Variants in IRF5 observed in about 807,000 individuals in gnomAD.
The protein encoded by IRF5 is interferon regulatory factor 5.
IRF5 carries 24 observed loss-of-function variants against 55.1 expected under a neutral mutation model. The observed-to-expected ratio is 0.44, with a 90% CI of 0.32 to 0.61. IRF5 has a LOEUF of 0.61. Ranked by LOEUF, IRF5 falls within the 20% of genes least tolerant of loss-of-function variation. IRF5 has a pLI of 0.07. For missense variants in IRF5, 499 were observed against 658.5 expected, an observed-to-expected ratio of 0.76 and a Z score of 2.65; for synonymous variants, 258 against 260.2, an observed-to-expected ratio of 0.99 and a Z score of 0.08.
intron 2 of IRF5, 21 bp from the exon 3 acceptor site, chr7:128,945,824 G>T: frequency 6.3e-7 from 1 of 1,595,604 alleles, no homozygotes. Flanking sequence ...CTCTGTGGTC[G>T]GCTATTTCTT....
Position 128,949,044 on chromosome 7 carries a change from A to C in IRF5, c.*226A>C. 1 of 570,582 alleles carries C rather than the reference A, an allele frequency of 1.8e-6. No homozygotes were observed. Among genetic ancestry groups the C allele is most frequent in the Non-Finnish European group, 3.1e-6 (1 of 322,918 alleles). The allele number at this position is 570,582 out of a possible 1,614,324, so 35.3% of individuals were successfully genotyped here. A position where few individuals can be genotyped will look rare whatever the true frequency, so the allele number is the denominator to read the frequency against. On this transcript the variant is annotated 3_prime_UTR_variant, in exon 9 of 9. Transcript: ENST00000357234. ...GTCTGGTCAGCCTGGCTCTCGGGAA[A>C]TTCAGCCATGAGCAGGGAAAGAACT... is the stretch of plus-strand genomic sequence containing the variant.
At chr7:128,944,312 T>C (rs1796192464) in intron 2 of IRF5, among the ~76,000 whole-genome samples, 1 of 152,224 alleles carries the variant, frequency 6.6e-6, no homozygotes, top group South Asian at 2.1e-4. Flanking sequence ...TCATGTAGGC[T>C]GTCTTAATGC....
intron 2 of IRF5, among the ~76,000 whole-genome samples, chr7:128,943,410 G>A (rs1585297451): frequency 7.6e-6 from 1 of 132,300 alleles, no homozygotes; most frequent in South Asian, 2.3e-4. Context: ...TTGTTGCTCT[G>A]TTGCCTAGTG....
At chr7:128,939,410 C>T (rs1038534750) in intron 1 of IRF5, among the ~76,000 whole-genome samples, 1 of 152,106 alleles carries the variant, frequency 6.6e-6, no homozygotes, top group Admixed American at 6.5e-5. Context: ...AGAGCCTCAG[C>T]CTGTCTGGAC....
In IRF5 at chr7:128,949,882, C is replaced by T. The variant is rs2128968039; in HGVS notation, c.*1064C>T. On this transcript the variant is annotated 3_prime_UTR_variant, in exon 9 of 9. Coordinates refer to ENST00000357234, the MANE Select transcript of IRF5 (RefSeq NM_001098629.3). The stretch of plus-strand genomic sequence containing the variant: ...TTAAAGAGCCTGGCACCTACCCGCT[C>T]TCACTTCATCTGTGTCATCTCTGCA... The T allele has an allele frequency of 6.6e-6, 1 of 152,278 alleles. No individual in the cohort carries two copies. Among genetic ancestry groups the T allele is most frequent in the East Asian group, 1.9e-4 (1 of 5,184 alleles). The allele number at this position is 152,278 out of a possible 1,614,324, so 9.4% of individuals were successfully genotyped here.
Position 128,947,936 on chromosome 7 carries a change from A to G in IRF5, c.995A>G (p.Gln332Arg). 6.2e-7 allele frequency: 1 copy of G among 1,614,108 alleles called. No individual in the cohort carries two copies. The highest frequency in any genetic ancestry group is 1.1e-5 in the South Asian group (1 of 91,078). ...GACAAGCAGCGCTTCTACACGAACC[A>G]GCTGCTGGATGTCCTGGACCGCGGG... is the stretch of plus-strand genomic sequence containing the variant. ...PSDKQRFYTN[Q>R]LLDVLDRGLI... The change falls in exon 7 of 9, where the codon CAG becomes CGG. Residue 332 changes from glutamine (Q) to arginine (R), a missense_variant. Gln to Arg is a conservative substitution (Grantham distance 43). Transcript: ENST00000357234. This position sits in a 1 kb window ranked among gnomAD's most constrained non-coding sequence, Gnocchi z 6.5.
In IRF5 at chr7:128,948,501, T is replaced by G. The variant is rs1400994236; in HGVS notation, c.1300-72T>G. 3.8e-6 allele frequency: 6 copies of G among 1,588,670 alleles called. No individual in the cohort carries two copies. Among genetic ancestry groups the G allele is most frequent in the Non-Finnish European group, 5.1e-6 (6 of 1,167,984 alleles). On this transcript the variant is annotated intron_variant, in intron 8 of 8. Coordinates refer to ENST00000357234, the MANE Select transcript of IRF5 (RefSeq NM_001098629.3). This position sits in a 1 kb window ranked among gnomAD's most constrained non-coding sequence, Gnocchi z 4.6. ...CGGTCTATTACTCACCCCTGATGGC[T>G]GTCCTCATGCACAGCTGGATCTGGC...
intron 1 of IRF5, 144 bp downstream of exon 1, chr7:128,938,193 A>C (rs1018751531): frequency 6.6e-6 from 1 of 152,204 alleles, no homozygotes; most frequent in Non-Finnish European, 1.5e-5. Flanking sequence ...GGCGGGATGA[A>C]GACTGGAGTA....
At chr7:128,945,204 C>T (rs144453360) in intron 2 of IRF5, among the ~76,000 whole-genome samples, 372 of 152,248 alleles carry the variant, frequency 2.4e-3, no homozygotes, top group African/African-American at 8.5e-3. Context: ...CCTTGAACTC[C>T]CCAGCTCAAG....
intron 2 of IRF5, among the ~76,000 whole-genome samples, chr7:128,943,707 ATTTTTTTTTTT>A (rs61451031): frequency 7.1e-4 from 51 of 71,926 alleles, no homozygotes; most frequent in African/African-American, 3.0e-3. Context: ...TGCCCGGCTA[ATTTTTTTTTTT>A]TTTTTTTTTT....
Position 128,946,023 on chromosome 7 carries a change from C to A in IRF5, c.374C>A (p.Pro125His). 6.2e-7 allele frequency: 1 copy of A among 1,603,354 alleles called. No individual in the cohort carries two copies. The highest frequency in any genetic ancestry group is 8.5e-7 in the Non-Finnish European group (1 of 1,176,466). The stretch of plus-strand genomic sequence containing the variant: ...ATCTACGAGGTCTGCTCCAATGGCC[C>A]TGCTCCCACAGGTATCAGGCCTAGC... ...YKIYEVCSNG[P>H]APTDSQPPED... The change falls in exon 3 of 9, where the codon CCT (proline) becomes CAT (histidine). Residue 125 changes from proline to histidine, a missense_variant. Physicochemically the swap from Pro to His is moderately conservative, Grantham distance 77. This residue lies in a region of IRF5 where 305 missense variants were observed against 340.2 expected (regional missense o/e 0.90). Transcript: ENST00000357234. The surrounding 1 kb of genome is among the most constrained non-coding windows in gnomAD (Gnocchi z 4.2).
chr7:128,946,182 C>T lies in IRF5; in HGVS notation c.385+148C>T. ...TGCGGGGGCTCCCGCTAGGTCATGACACCCAGGGCTTCCAGGAGTGGCTGG... is the reference window on the plus strand; with the variant it reads ...TGCGGGGGCTCCCGCTAGGTCATGATACCCAGGGCTTCCAGGAGTGGCTGG... On this transcript the variant is annotated intron_variant, in intron 3 of 8. Coordinates refer to ENST00000357234, the MANE Select transcript of IRF5 (RefSeq NM_001098629.3). This position sits in a 1 kb window ranked among gnomAD's most constrained non-coding sequence, Gnocchi z 4.2. 2 of 791,804 alleles carry T rather than the reference C, an allele frequency of 2.5e-6. No homozygotes were observed. The highest frequency in any genetic ancestry group is 1.9e-6 in the Non-Finnish European group (1 of 515,622). The allele number at this position is 791,804 out of a possible 1,614,324, so 49.0% of individuals were successfully genotyped here.
intron 2 of IRF5, among the ~76,000 whole-genome samples, chr7:128,945,343 C>A (rs1283020840): frequency 1.3e-5 from 2 of 152,168 alleles, no homozygotes; most frequent in African/African-American, 4.8e-5. Context: ...TGGGCTCAAG[C>A]AGTCCTCCCA....
intron 1 of IRF5, among the ~76,000 whole-genome samples, chr7:128,941,582 G>A (rs1009081978): frequency 1.3e-5 from 2 of 152,198 alleles, no homozygotes; most frequent in African/African-American, 2.4e-5. Context: ...GGGCAGGGAA[G>A]AATCGAACTA....
Position 128,942,224 on chromosome 7 carries a change from G to A in IRF5, c.143G>A (p.Arg48Lys). The change falls in exon 2 of 9, where the codon AGG becomes AAG. Residue 48 changes from arginine to lysine, a missense_variant. Arg to Lys is a conservative substitution (Grantham distance 26). Transcript: ENST00000357234. Reference protein sequence around the residue: ...GEKKLFCIPWRHATRHGPSQD... With the variant: ...GEKKLFCIPWKHATRHGPSQD... ...AAGAAATTATTCTGCATCCCCTGGA[G>A]GCATGCCACAAGGCATGGTCCCAGC... is the stretch of plus-strand genomic sequence containing the variant. 5.0e-6 allele frequency: 8 copies of A among 1,614,060 alleles called. No individual in the cohort carries two copies. The highest frequency in any genetic ancestry group is 1.1e-5 in the South Asian group (1 of 91,086).
rs1279366922 is a variant in IRF5, at chr7:128,947,488, G to A, written c.740G>A (p.Gly247Asp). Reference sequence around the variant, plus strand: ...CTGCCTGCCAGCCTGCCCCCTGCAGGCGAACAGCTCCTGCCAGACCTGCTG... The same window carrying A: ...CTGCCTGCCAGCCTGCCCCCTGCAGACGAACAGCTCCTGCCAGACCTGCTG... ...GPLPASLPPAGEQLLPDLLIS... is the reference protein window; with the variant it reads ...GPLPASLPPADEQLLPDLLIS... Residue 247 changes from glycine (G) to aspartate (D), a missense_variant, in exon 6 of 9, where the codon GGC (glycine) becomes GAC (aspartate). Gly to Asp is a moderately conservative substitution (Grantham distance 94, BLOSUM62 -1). Around this residue, in one of 2 missense-constraint regions of IRF5, gnomAD observed 305 missense variants for 340.2 expected, o/e 0.90. Transcript: ENST00000357234. The surrounding 1 kb of genome is among the most constrained non-coding windows in gnomAD (Gnocchi z 6.5). The A allele has an allele frequency of 1.2e-6, 2 of 1,603,236 alleles. No homozygotes were observed. Among genetic ancestry groups the A allele is most frequent in the African/African-American group, 2.7e-5 (2 of 74,692 alleles).
At chr7:128,939,721 C>T (rs1221850215) in intron 1 of IRF5, among the ~76,000 whole-genome samples, 1 of 152,180 alleles carries the variant, frequency 6.6e-6, no homozygotes, top group Non-Finnish European at 1.5e-5. Flanking sequence ...GAGCTGTGGG[C>T]TTACCCCACC....
Position 128,947,929 on chromosome 7 carries a change from AC to A in IRF5, c.989del (p.Thr330ArgfsTer108). Reference protein sequence around the residue: ...DIPSDKQRFYTNQLLDVLDRG... With the variant: ...DIPSDKQRFYXNQLLDVLDRG... ...CCCCAGTGACAAGCAGCGCTTCTAC[AC>A]GAACCAGCTGCTGGATGTCCTGGAC... On this transcript the variant is annotated frameshift_variant, in exon 7 of 9. Transcript: ENST00000357234. LOFTEE classifies it high-confidence loss of function. The surrounding 1 kb of genome is among the most constrained non-coding windows in gnomAD (Gnocchi z 6.5). 4 of 1,614,060 alleles carry A rather than the reference AC, an allele frequency of 2.5e-6. No individual in the cohort carries two copies. Among genetic ancestry groups the A allele is most frequent in the Non-Finnish European group, 3.4e-6 (4 of 1,180,002 alleles).
chr7:128,942,505 T>A (rs992762613), intron 2 of IRF5, among the ~76,000 whole-genome samples: 4 of 150,404 alleles, frequency 2.7e-5, no homozygotes, highest in African/African-American at 9.8e-5. Flanking sequence ...CAGGCTGGAG[T>A]GCAGTGGCAC....
Sources: gnomAD v4.1 joint callset for allele counts (sites outside exome capture counted in the v4.1 genomes callset) on GRCh38, gnomAD v4.1.1 for gene constraint, gnomAD v4.1.1 regional missense constraint, Gnocchi (gnomAD v3.1) non-coding constraint, MANE v1.5 for transcripts, NCBI Gene and HGNC (gene_info 2026-07-23, HGNC 2026-07-21) for gene names.